SEC24D: variants seen among roughly 807,000 people sequenced by gnomAD.
The protein encoded by SEC24D is SEC24 homolog D, COPII component, also known as protein transport protein Sec24D.
In SEC24D, 69 loss-of-function variants were observed where a neutral mutation model predicts 116.9. That is an observed-to-expected ratio of 0.59 (90% CI 0.49 to 0.72). SEC24D has a LOEUF of 0.72. Ranked by LOEUF, SEC24D falls within the 30% of genes least tolerant of loss-of-function variation. SEC24D has a pLI of 0.00. For missense variants in SEC24D, 1,131 were observed against 1,264.1 expected (o/e 0.89, Z 1.60); for synonymous variants, 405 against 442.8 (o/e 0.91, Z 1.07).
intron 8 of SEC24D, among the ~76,000 whole-genome samples, chr4:118,775,702 T>A (rs549165815): frequency 2.6e-5 from 4 of 152,168 alleles, no homozygotes; most frequent in Admixed American, 2.0e-4. Context: ...GGAATTCTGA[T>A]AGAAGTTAGT....
chr4:118,727,656 G>C (rs1382034927), intron 22 of SEC24D, among the ~76,000 whole-genome samples: 1 of 151,854 alleles, frequency 6.6e-6, no homozygotes, highest in Admixed American at 6.6e-5. Context: ...AGAAAAACGT[G>C]TAACCAAATC....
At chr4:118,759,278 G>A (rs1190436000) in intron 10 of SEC24D, among the ~76,000 whole-genome samples, 1 of 152,110 alleles carries the variant, frequency 6.6e-6, no homozygotes, top group East Asian at 1.9e-4. Flanking sequence ...AATTAGATTT[G>A]GCTGTTCCTT....
intron 3 of SEC24D, among the ~76,000 whole-genome samples, chr4:118,822,001 A>G (rs892872026): frequency 2.0e-5 from 3 of 152,194 alleles, no homozygotes; most frequent in Non-Finnish European, 4.4e-5. Context: ...AATCACCACA[A>G]AAGCAGATTC....
At chr4:118,768,031 T>A (rs1727720702) in intron 9 of SEC24D, 142 bp downstream of exon 9, 1 of 589,182 alleles carries the variant, frequency 1.7e-6, no homozygotes, top group Non-Finnish European at 2.8e-6. Flanking sequence ...GAGCCTGTCA[T>A]AGTTGGTTTC....
Position 118,744,026 on chromosome 4 carries a change from G to A in SEC24D, c.1957C>T (p.Leu653Phe). ...TATTTGTAAAGGGTTCCTCCAGTGA[G>A]CTGAGGAACCAGCCCCAGCGAGGCC... ...DVASLGLVPQ[L>F]TGGTLYKYNN... Residue 653 changes from leucine (L) to phenylalanine (F), a missense_variant, in exon 15 of 23, where the codon CTC becomes TTC. Leu to Phe is a conservative substitution (Grantham distance 22, BLOSUM62 0). Coordinates refer to ENST00000280551, the MANE Select transcript of SEC24D (RefSeq NM_014822.4). 2 of 1,612,142 alleles carry A rather than the reference G, an allele frequency of 1.2e-6. No individual in the cohort carries two copies. Among genetic ancestry groups the A allele is most frequent in the Non-Finnish European group, 1.7e-6 (2 of 1,179,282 alleles).
chr4:118,778,815 C>T (rs957610855), intron 8 of SEC24D, among the ~76,000 whole-genome samples: 18 of 152,188 alleles, frequency 1.2e-4, no homozygotes, highest in African/African-American at 4.1e-4. Context: ...AGAGGTCCTT[C>T]ACATCCCTTG....
At position 118,805,921 on chromosome 4, in the gene SEC24D, C is replaced by T; in HGVS notation, c.835G>A (p.Gly279Arg). 1 of 1,595,692 alleles carries T rather than the reference C, an allele frequency of 6.3e-7. No individual in the cohort carries two copies. The highest frequency in any genetic ancestry group is 1.2e-5 in the South Asian group (1 of 86,350). ...GTGTTGGTGGCATAAACTTGTCCTC[C>T]TCTGCTGGCTCTATCATTCTCAATC... ...QVIENDRASR[G>R]GQVYATNTRG... The change falls in exon 7 of 23, where the codon GGA (glycine) becomes AGA (arginine). Residue 279 changes from glycine (G) to arginine (R), a missense_variant. Gly to Arg is a moderately radical substitution (Grantham distance 125, BLOSUM62 -2). Coordinates refer to ENST00000280551, the MANE Select transcript of SEC24D (RefSeq NM_014822.4).
chr4:118,820,683 A>G (rs1730365698), intron 3 of SEC24D, among the ~76,000 whole-genome samples: 1 of 151,742 alleles, frequency 6.6e-6, no homozygotes, highest in Non-Finnish European at 1.5e-5. Context: ...CGCTATAAAT[A>G]TAATGTTAAA....
At chr4:118,832,210 G>C (rs912459089) in intron 2 of SEC24D, among the ~76,000 whole-genome samples, 2 of 152,078 alleles carry the variant, frequency 1.3e-5, no homozygotes, top group Admixed American at 6.6e-5. Flanking sequence ...ACCCCAACCT[G>C]GTCGACAGAG....
intron 14 of SEC24D, 91 bp from the exon 15 acceptor site, chr4:118,744,249 T>C: frequency 8.0e-7 from 1 of 1,247,360 alleles, no homozygotes; most frequent in Non-Finnish European, 1.1e-6. Flanking sequence ...CTTATTGAAT[T>C]TTCAAAATGG....
intron 9 of SEC24D, 32 bp downstream of exon 9, chr4:118,768,129 GTTAATAAAGAAT>G (rs751629280): frequency 2.6e-6 from 4 of 1,551,302 alleles, no homozygotes; most frequent in African/African-American, 1.4e-5. Flanking sequence ...ATACATTTTA[GTTAATAAAGAAT>G]TTCACAAAGA....
At chr4:118,769,496 C>T (rs1727798824) in intron 8 of SEC24D, among the ~76,000 whole-genome samples, 1 of 152,068 alleles carries the variant, frequency 6.6e-6, no homozygotes, top group Admixed American at 6.6e-5. Flanking sequence ...AAGCAGACTG[C>T]TTTTGAACGG....
At chr4:118,762,657 T>C (rs1297369054) in intron 10 of SEC24D, among the ~76,000 whole-genome samples, 1 of 152,212 alleles carries the variant, frequency 6.6e-6, no homozygotes, top group African/African-American at 2.4e-5. Context: ...AGCCAACTCA[T>C]TATTATACTT....
At chr4:118,774,428 T>C (rs1339430215) in intron 8 of SEC24D, among the ~76,000 whole-genome samples, 1 of 152,184 alleles carries the variant, frequency 6.6e-6, no homozygotes, top group East Asian at 1.9e-4. Context: ...TGTTCTCATT[T>C]ATAAAATCTC....
chr4:118,728,501 T>C, intron 22 of SEC24D, 60 bp downstream of exon 22: 1 of 1,000,224 alleles, frequency 1.0e-6, no homozygotes, highest in Non-Finnish European at 1.5e-6. Context: ...GTGTGCATGT[T>C]AAGTCTTTAA....
chr4:118,815,102 G>C lies in SEC24D; in HGVS notation c.727C>G (p.Pro243Ala). The change falls in exon 6 of 23, where the codon CCT becomes GCT. Residue 243 changes from proline to alanine, a missense_variant. Coordinates refer to ENST00000280551, the MANE Select transcript of SEC24D (RefSeq NM_014822.4). ...CCAGCCATCTGTGCAGGACCTCCAGGGAAGCCTCCTGGGTAAGACAGTTGT... is the reference window on the plus strand; with the variant it reads ...CCAGCCATCTGTGCAGGACCTCCAGCGAAGCCTCCTGGGTAAGACAGTTGT... Reference protein sequence around the residue: ...GAQLSYPGGFPGGPAQMAGPP... With the variant: ...GAQLSYPGGFAGGPAQMAGPP... 7 of 1,614,176 alleles carry C rather than the reference G, an allele frequency of 4.3e-6. No homozygotes were observed. The highest frequency in any genetic ancestry group is 5.1e-6 in the Non-Finnish European group (6 of 1,180,020).
intron 8 of SEC24D, among the ~76,000 whole-genome samples, chr4:118,779,966 T>C (rs1186093200): frequency 2.6e-5 from 4 of 152,334 alleles, no homozygotes; most frequent in South Asian, 4.1e-4. Flanking sequence ...TATCATTTTT[T>C]ATTGCATCTA....
chr4:118,747,822 G>T lies in SEC24D; in HGVS notation c.1708-2762C>A, dbSNP rs1299059695. ...GAATCAGCCATTTTATTATCCGAAT[G>T]ACACTGGACAAATTATTTAACTTCT... On this transcript the variant is annotated intron_variant, in intron 13 of 22. Transcript: ENST00000280551. Among the ~76,000 whole-genome samples the T allele has an allele frequency of 3.3e-5, 5 of 152,086 alleles. 1 individual carries two copies. Among genetic ancestry groups the T allele is most frequent in the Admixed American group, 3.3e-4 (5 of 15,262 alleles).
At chr4:118,829,994 A>T (rs1730774560) in intron 2 of SEC24D, among the ~76,000 whole-genome samples, 1 of 152,258 alleles carries the variant, frequency 6.6e-6, no homozygotes, top group African/African-American at 2.4e-5. Flanking sequence ...GACCAATAAA[A>T]GCGTCACTAA....
Sources: gnomAD v4.1 joint callset for allele counts (sites outside exome capture counted in the v4.1 genomes callset) on GRCh38, gnomAD v4.1.1 for gene constraint, MANE v1.5 for transcripts, NCBI Gene and HGNC (gene_info 2026-07-23, HGNC 2026-07-21) for gene names.